Variants in LRRK1 observed in about 807,000 individuals in gnomAD.
LRRK1 encodes leucine rich repeat kinase 1.
In LRRK1, 113 loss-of-function variants were observed where a neutral mutation model predicts 209.1. The observed-to-expected ratio is 0.54, with a 90% confidence interval of 0.46 to 0.63. The LOEUF is 0.63. Ranked by LOEUF, LRRK1 falls within the 30% of genes least tolerant of loss-of-function variation. The pLI is 0.00. For synonymous variants in LRRK1, 1,144 were observed against 1,099.7 expected, an observed-to-expected ratio of 1.04 and a Z score of -0.80; for missense variants, 2,284 against 2,632.2, an observed-to-expected ratio of 0.87 and a Z score of 2.89.
chr15:100,950,908 C>T lies in LRRK1; in HGVS notation c.98-22896C>T, dbSNP rs369721825. The stretch of plus-strand genomic sequence containing the variant: ...CACGAGGTCAGGAGATCGAGACCAT[C>T]CTGGCTAACACGGTGAAACGCCATC... On this transcript the variant is annotated intron_variant, in intron 2 of 33. Coordinates refer to ENST00000388948, the MANE Select transcript of LRRK1 (RefSeq NM_024652.6). Among the ~76,000 whole-genome samples, 157 of 152,208 alleles carry T rather than the reference C, an allele frequency of 1.0e-3. 2 individuals carry two copies. The highest frequency in any genetic ancestry group is 1.5e-3 in the Admixed American group (23 of 15,292).
At chr15:100,983,727 C>G (rs371584029) in intron 4 of LRRK1, 28 bp downstream of exon 4, 8 of 1,607,756 alleles carry the variant, frequency 5.0e-6, no homozygotes, top group African/African-American at 2.7e-5. Flanking sequence ...AGCTCTTAAC[C>G]GTGTCTCAGG....
intron 32 of LRRK1, 80 bp from the exon 33 acceptor site, chr15:101,066,560 C>T (rs781135900): frequency 7.5e-7 from 1 of 1,335,864 alleles, no homozygotes; most frequent in Non-Finnish European, 1.1e-6. Context: ...CCCTCCCGCA[C>T]CTTTCTGCAC....
At position 101,076,490 on chromosome 15, in the gene LRRK1, TTC is replaced by T. The variant is rs1470719338; in HGVS notation, c.*7643_*7644del. ...CACCCCATTTCCCCACATTTCCTTC[TTC>T]CCTGCTTCTCACCCTGATCACACTT... On this transcript the variant is annotated 3_prime_UTR_variant, in exon 34 of 34. Coordinates refer to ENST00000388948, the MANE Select transcript of LRRK1 (RefSeq NM_024652.6). 1 of 152,126 alleles carries T rather than the reference TTC, an allele frequency of 6.6e-6. No homozygotes were observed. Among genetic ancestry groups the T allele is most frequent in the African/African-American group, 2.4e-5 (1 of 41,374 alleles). The allele number at this position is 152,126 out of a possible 1,614,324, so 9.4% of individuals were successfully genotyped here. A position where few individuals can be genotyped will look rare whatever the true frequency, so the allele number is the denominator to read the frequency against.
rs141962883 is a variant in LRRK1 at position 100,931,146 on chromosome 15, T to C, written c.97+6417T>C. ...GTCCTTCCTGAGCTCATCACCCCCA[T>C]GCTGCACAAAGAAGCACACATTAAT... is the stretch of plus-strand genomic sequence containing the variant. On this transcript the variant is annotated intron_variant, in intron 2 of 33. Transcript: ENST00000388948. Among the ~76,000 whole-genome samples the C allele has an allele frequency of 3.1e-3, 478 of 152,324 alleles. 2 individuals carry two copies. The highest frequency in any genetic ancestry group is 0.011 in the African/African-American group (450 of 41,566).
intron 2 of LRRK1, among the ~76,000 whole-genome samples, chr15:100,952,988 T>C (rs1168304589): frequency 6.6e-6 from 1 of 152,226 alleles, no homozygotes; most frequent in African/African-American, 2.4e-5. Flanking sequence ...ACAGTTTTAT[T>C]GAGGTATAAT....
chr15:100,974,229 C>G (rs1368433547), intron 3 of LRRK1: 1 of 359,972 alleles, frequency 2.8e-6, no homozygotes, highest in East Asian at 4.1e-5. Context: ...ATGTAAAGAA[C>G]AAAATGCCAC....
intron 6 of LRRK1, among the ~76,000 whole-genome samples, chr15:100,992,722 G>A (rs1002735470): frequency 2.0e-5 from 3 of 152,176 alleles, no homozygotes; most frequent in South Asian, 4.1e-4. Flanking sequence ...AGGCTGGAGT[G>A]CAATGGCGTG....
chr15:101,014,611 G>A (rs2033441404), intron 11 of LRRK1, among the ~76,000 whole-genome samples, 183 bp downstream of exon 11: 1 of 152,234 alleles, frequency 6.6e-6, no homozygotes, highest in Admixed American at 6.5e-5. Context: ...GGTGTGGGCA[G>A]GCCTGGTTGG....
At chr15:100,974,059 G>T in intron 3 of LRRK1, 92 bp downstream of exon 3, 1 of 1,067,016 alleles carries the variant, frequency 9.4e-7, no homozygotes, top group Non-Finnish European at 1.2e-6. Flanking sequence ...TGTCATAACG[G>T]TAATGGGCGT....
At chr15:101,028,906 T>C (rs1487512811) in intron 19 of LRRK1, 50 bp from the exon 20 acceptor site, 3 of 1,592,132 alleles carry the variant, frequency 1.9e-6, no homozygotes, top group African/African-American at 2.7e-5. Flanking sequence ...CCAGAGTCCC[T>C]TTCGCTCCTT....
chr15:100,998,484 T>A (rs1158660127), intron 6 of LRRK1, among the ~76,000 whole-genome samples: 3 of 152,194 alleles, frequency 2.0e-5, no homozygotes, highest in Non-Finnish European at 4.4e-5. Flanking sequence ...GGTTATTTGT[T>A]TGGGTGACAT....
At chr15:101,064,731 A>C (rs2036424412) in intron 31 of LRRK1, 1 of 152,548 alleles carries the variant, frequency 6.6e-6, no homozygotes, top group Non-Finnish European at 1.4e-5. Context: ...TTAGTTCAGC[A>C]AACACATGTC....
chr15:101,064,087 C>G (rs1053945507), intron 31 of LRRK1, among the ~76,000 whole-genome samples: 3 of 152,274 alleles, frequency 2.0e-5, no homozygotes, highest in African/African-American at 7.2e-5. Context: ...CACGCGCACC[C>G]ACGTTCACAC....
At chr15:100,985,718 C>G (rs533039131) in intron 4 of LRRK1, among the ~76,000 whole-genome samples, 2 of 152,212 alleles carry the variant, frequency 1.3e-5, no homozygotes, top group Admixed American at 1.3e-4. Context: ...CCAGGAGCAT[C>G]GTATCTTCAG....
intron 2 of LRRK1, 87 bp downstream of exon 2, chr15:100,924,816 G>C: frequency 1.1e-6 from 1 of 901,894 alleles, no homozygotes; most frequent in African/African-American, 1.7e-5. Flanking sequence ...AGAACAAGGA[G>C]TTCTCAACCA....
rs779409398 is a variant in LRRK1 at position 100,989,341 on chromosome 15, G to A, written c.705G>A (p.Leu235=). The A allele has an allele frequency of 6.2e-7, 1 of 1,614,200 alleles. No homozygotes were observed. The highest frequency in any genetic ancestry group is 1.1e-5 in the South Asian group (1 of 91,084). The change falls in exon 6 of 34, where the codon CTG becomes CTA. Residue 235 remains leucine (L), a synonymous_variant. Transcript: ENST00000388948. ...LLDSPDPSKH[L]LRKYFIEASP... Reference sequence around the variant, plus strand: ...ATAGTCCTGACCCCAGCAAACATCTGCTGAGAAAGTACTTCATTGAAGCCA... The same window carrying A: ...ATAGTCCTGACCCCAGCAAACATCTACTGAGAAAGTACTTCATTGAAGCCA...
Position 101,021,784 on chromosome 15 carries a change from GT to G in LRRK1, c.1740-60del. 5 of 37,724 alleles carry G rather than the reference GT, an allele frequency of 1.3e-4. No homozygotes were observed. In the Admixed American group the frequency reaches 2.4e-3, roughly 18 times the overall value. 2.3% of individuals were successfully genotyped at this position (37,724 alleles called of 1,614,324 possible). A position where few individuals can be genotyped will look rare whatever the true frequency, so the allele number is the denominator to read the frequency against. On this transcript the variant is annotated intron_variant, in intron 13 of 33. Coordinates refer to ENST00000388948, the MANE Select transcript of LRRK1 (RefSeq NM_024652.6). ...AGGAGCCACGTGTGTGCGTGTGTGT[GT>G]GTGTGTGTGTGTGTGTGTGTGTGTG...
At chr15:100,934,447 T>A (rs2141601301) in intron 2 of LRRK1, among the ~76,000 whole-genome samples, 1 of 152,210 alleles carries the variant, frequency 6.6e-6, no homozygotes, top group East Asian at 1.9e-4. Context: ...AGCAGGAGTG[T>A]GGCCTCTGCC....
At chr15:100,945,082 C>A (rs996430828) in intron 2 of LRRK1, among the ~76,000 whole-genome samples, 2 of 152,224 alleles carry the variant, frequency 1.3e-5, no homozygotes, top group African/African-American at 2.4e-5. Context: ...GCGGTCTCCT[C>A]TTCACGGGCA....
Sources: allele counts gnomAD v4.1 joint callset (sites outside exome capture counted in the v4.1 genomes callset), GRCh38; gene constraint gnomAD v4.1.1; transcripts MANE v1.5; gene names NCBI Gene and HGNC (gene_info 2026-07-23, HGNC 2026-07-21).